The following FAM151A variants were observed in gnomAD, a reference collection of about 807,000 sequenced individuals.
FAM151A encodes protein FAM151A.
In FAM151A, 41 loss-of-function variants were observed where a neutral mutation model predicts 40.4. That is an observed-to-expected ratio of 1.01 (90% CI 0.79 to 1.32). FAM151A has a LOEUF of 1.32. FAM151A is among the 40% of genes most tolerant of loss of function. The pLI, the probability that FAM151A is intolerant of heterozygous loss-of-function variation, is 0.00. For missense variants in FAM151A, 740 were observed against 740.4 expected, an observed-to-expected ratio of 1.00 and a Z score of 0.01; for synonymous variants, 337 against 312.5, an observed-to-expected ratio of 1.08 and a Z score of -0.83.
chr1:54,616,383 A>G (rs1325799520), intron 2 of FAM151A, among the ~76,000 whole-genome samples: 2 of 148,942 alleles, frequency 1.3e-5, no homozygotes, highest in Admixed American at 1.3e-4. Context: ...TTTTTTTTTG[A>G]GACGGAGTCT....
In FAM151A at chr1:54,617,709, A is replaced by ATTTTTTTTTTT. The variant is rs56229276; in HGVS notation, c.263-1548_263-1538dup. On this transcript the variant is annotated intron_variant, in intron 2 of 7. Coordinates refer to ENST00000302250, the MANE Select transcript of FAM151A (RefSeq NM_176782.3). ...CACTAGGTCTGCAGCAGGGCCTGAGATTTTTTTTTTTTTTTTTTTTTTTTT... is the reference window on the plus strand; with the variant it reads ...CACTAGGTCTGCAGCAGGGCCTGAGATTTTTTTTTTTTTTTTTTTTTTTTTTTTTTTTTTTT... Among the ~76,000 whole-genome samples the ATTTTTTTTTTT allele has an allele frequency of 3.0e-4, 17 of 55,764 alleles. 4 individuals are homozygous for ATTTTTTTTTTT. The highest frequency in any genetic ancestry group is 5.1e-4 in the African/African-American group (7 of 13,746). The allele number at this position is 55,764 out of a possible 152,430, so 36.6% of individuals were successfully genotyped here.
chr1:54,612,433 G>A, intron 5 of FAM151A, 53 bp downstream of exon 5: 2 of 1,323,638 alleles, frequency 1.5e-6, no homozygotes, highest in Non-Finnish European at 2.2e-6. Flanking sequence ...CTGGGATCTT[G>A]CTGGGGGCAT....
chr1:54,621,903 T>G (rs1644233035), intron 1 of FAM151A: 1 of 152,130 alleles, frequency 6.6e-6, no homozygotes, highest in African/African-American at 2.4e-5. Context: ...CTTGTGTGAC[T>G]CCCAAGAAGG....
At position 54,616,157 on chromosome 1, in the gene FAM151A, A is replaced by G; in HGVS notation, c.278T>C (p.Leu93Pro). 1 of 1,614,146 alleles carries G rather than the reference A, an allele frequency of 6.2e-7. No individual in the cohort carries two copies. The highest frequency in any genetic ancestry group is 1.1e-5 in the South Asian group (1 of 91,080). The change falls in exon 3 of 8, where the codon CTG becomes CCG. Residue 93 changes from leucine (L) to proline (P), a missense_variant. Leu to Pro is a moderately conservative substitution (Grantham distance 98). Coordinates refer to ENST00000302250, the MANE Select transcript of FAM151A (RefSeq NM_176782.3). ...TAALNSNITV[L>P]EADVNVEGLG... ...CCCTTCTACATTGACGTCAGCCTCC[A>G]GGACTGTGATGTTGCCTGTGGAAGG... is the stretch of plus-strand genomic sequence containing the variant.
intron 5 of FAM151A, 69 bp from the exon 6 acceptor site, chr1:54,611,814 C>T: frequency 6.3e-7 from 1 of 1,588,080 alleles, no homozygotes; most frequent in South Asian, 1.1e-5. Context: ...CTCCTGTGCT[C>T]AGAACTGGAT....
At chr1:54,616,241 A>C in intron 2 of FAM151A, 69 bp from the exon 3 acceptor site, 1 of 1,365,184 alleles carries the variant, frequency 7.3e-7, no homozygotes, top group South Asian at 1.3e-5. Context: ...TCATCATAAA[A>C]GCATTACAAA....
rs770311180 is a variant in FAM151A, at chr1:54,611,769, G to C, written c.801-24C>G. Reference sequence around the variant, plus strand: ...ACCTGGGGACACGAGAGCTGGCTCAGTGCCTGTCTGGGCCCAGCAAGACCC... The same window carrying C: ...ACCTGGGGACACGAGAGCTGGCTCACTGCCTGTCTGGGCCCAGCAAGACCC... On this transcript the variant is annotated intron_variant, in intron 5 of 7. Transcript: ENST00000302250. The C allele has an allele frequency of 1.5e-5, 24 of 1,613,354 alleles. No homozygotes were observed. In the East Asian group the frequency reaches 4.9e-4, roughly 33 times the overall value.
intron 7 of FAM151A, 89 bp from the exon 8 acceptor site, chr1:54,610,030 T>C (rs1644099261): frequency 1.4e-6 from 2 of 1,480,080 alleles, no homozygotes; most frequent in Admixed American, 2.3e-5. Context: ...GTGGGAGTTA[T>C]GGGGTCATCA....
chr1:54,609,379 GGCATAGTC>G lies in FAM151A; in HGVS notation c.1639_1646del (p.Asp547LeufsTer10), dbSNP rs1174932344. 1 of 1,614,178 alleles carries G rather than the reference GGCATAGTC, an allele frequency of 6.2e-7. No individual in the cohort carries two copies. Among genetic ancestry groups the G allele is most frequent in the South Asian group, 1.1e-5 (1 of 91,088 alleles). Reference sequence around the variant, plus strand: ...CTGCCAGCAATGCTGTCCTCACAGAGGCATAGTCGCCCCCAGCTGGGTTGTGCTCCACT... The same window carrying G: ...CTGCCAGCAATGCTGTCCTCACAGAGGCCCCCAGCTGGGTTGTGCTCCACT... On this transcript the variant is annotated frameshift_variant, in exon 8 of 8. Transcript: ENST00000302250. LOFTEE classifies it low-confidence loss of function (END_TRUNC).
Position 54,610,320 on chromosome 1 carries a change from G to A in FAM151A, c.1084+92C>T, listed in dbSNP as rs3820113. On this transcript the variant is annotated intron_variant, in intron 7 of 7. Transcript: ENST00000302250. ...GGTATGGTGTAAATAAACCTGTGTT[G>A]CCATGGCAACAGAGACCGGCGGTAC... 0.046 allele frequency: 71,337 copies of A among 1,549,426 alleles called. 4,418 individuals are homozygous for A. The highest frequency in any genetic ancestry group is 0.24 in the East Asian group (10,790 of 44,360).
chr1:54,614,943 T>TGTGTGG, intron 3 of FAM151A, 84 bp from the exon 4 acceptor site: 1 of 525,104 alleles, frequency 1.9e-6, no homozygotes. Context: ...AGAGCGGGTG[T>TGTGTGG]GTGTGTGTGT....
Position 54,612,714 on chromosome 1 carries a change from C to A in FAM151A, c.576-4G>T, listed in dbSNP as rs1557670192. Reference sequence around the variant, plus strand: ...CTCCTGGACCAGGGCCAGGAACCTGCAAAAAAATCAGAGATGTTGGTCTCA... The same window carrying A: ...CTCCTGGACCAGGGCCAGGAACCTGAAAAAAAATCAGAGATGTTGGTCTCA... On this transcript the variant is annotated splice_region_variant and splice_polypyrimidine_tract_variant and intron_variant, in intron 4 of 7. Transcript: ENST00000302250. The A allele has an allele frequency of 2.5e-6, 4 of 1,609,566 alleles. No homozygotes were observed. Among genetic ancestry groups the A allele is most frequent in the Non-Finnish European group, 3.4e-6 (4 of 1,177,716 alleles).
chr1:54,611,094 T>C (rs1002250656), intron 6 of FAM151A: 2 of 869,124 alleles, frequency 2.3e-6, no homozygotes, highest in Non-Finnish European at 2.8e-6. Flanking sequence ...TGAACTGTTT[T>C]GAGCCGCTGT....
chr1:54,609,744 G>A lies in FAM151A; in HGVS notation c.1282C>T (p.Leu428=), dbSNP rs753969276. Residue 428 remains leucine, a synonymous_variant, in exon 8 of 8, where the codon CTG becomes TTG. Coordinates refer to ENST00000302250, the MANE Select transcript of FAM151A (RefSeq NM_176782.3). ...AGGCCAAGGCTGGAGAGGCGTGCCA[G>A]CAAGGCCAGGGATGGCCGGAGGGCT... ...PAALRPSLAL[L]ARLSSLGLLH... 1.9e-6 allele frequency: 3 copies of A among 1,614,188 alleles called. No individual in the cohort carries two copies. The highest frequency in any genetic ancestry group is 2.2e-5 in the South Asian group (2 of 91,090).
rs926276661 is a variant in FAM151A at position 54,616,035 on chromosome 1, C to T, written c.400G>A (p.Gly134Ser). Residue 134 changes from glycine to serine, a missense_variant, in exon 3 of 8, where the codon GGC becomes AGC. Physicochemically the swap from Gly to Ser is moderately conservative, Grantham distance 56. Coordinates refer to ENST00000302250, the MANE Select transcript of FAM151A (RefSeq NM_176782.3). ...TLEQWLDAVL[G>S]SSQKGIKLDF... ...AGGCCCTTACCCTTTTGGGAAGAGC[C>T]CAGCACAGCGTCCAGCCACTGCTCC... The T allele has an allele frequency of 6.2e-7, 1 of 1,613,870 alleles. No homozygotes were observed. The highest frequency in any genetic ancestry group is 8.5e-7 in the Non-Finnish European group (1 of 1,180,002).
chr1:54,609,356 G>A lies in FAM151A; in HGVS notation c.1670C>T (p.Ala557Val), dbSNP rs773283147. 2 of 1,614,170 alleles carry A rather than the reference G, an allele frequency of 1.2e-6. No individual in the cohort carries two copies. The highest frequency in any genetic ancestry group is 1.6e-4 in the Middle Eastern group (1 of 6,062). Residue 557 changes from alanine to valine, a missense_variant, in exon 8 of 8, where the codon GCA (alanine) becomes GTA (valine). Physicochemically the swap from Ala to Val is moderately conservative, Grantham distance 64. Coordinates refer to ENST00000302250, the MANE Select transcript of FAM151A (RefSeq NM_176782.3). The stretch of plus-strand genomic sequence containing the variant: ...TCGGGTCCTGTCCACAGCCCTAGCT[G>A]CCAGCAATGCTGTCCTCACAGAGGC... ...DYASVRTALL[A>V]ARAVDRTRVY...
intron 7 of FAM151A, 77 bp from the exon 8 acceptor site, chr1:54,610,018 C>A (rs1033183959): frequency 6.7e-7 from 1 of 1,503,452 alleles, no homozygotes; most frequent in African/African-American, 1.4e-5. Flanking sequence ...GTTAAAGGGG[C>A]AGTGGGAGTT....
intron 5 of FAM151A, 89 bp from the exon 6 acceptor site, chr1:54,611,834 G>A (rs888196297): frequency 1.4e-4 from 214 of 1,517,734 alleles, no homozygotes; most frequent in Middle Eastern, 9.9e-4. Context: ...TGTCAGCTGG[G>A]CGCAGGGTAG....
In FAM151A at chr1:54,623,504, TCCA is replaced by T; in HGVS notation, c.-112_-110del. On this transcript the variant is annotated 5_prime_UTR_variant, in exon 1 of 8. Transcript: ENST00000302250. ...AGGAGCTCCCAGCAGCACCTAATTC[TCCA>T]CCGGGCCTGGTCTGCTCTGCAGCCC... 2.5e-6 allele frequency: 2 copies of T among 796,354 alleles called. No individual in the cohort carries two copies. The highest frequency in any genetic ancestry group is 4.3e-6 in the Non-Finnish European group (2 of 464,956). The allele number at this position is 796,354 out of a possible 1,614,324, so 49.3% of individuals were successfully genotyped here.
Sources: gnomAD v4.1 joint callset for allele counts (sites outside exome capture counted in the v4.1 genomes callset) on GRCh38, gnomAD v4.1.1 for gene constraint, MANE v1.5 for transcripts, NCBI Gene and HGNC (gene_info 2026-07-23, HGNC 2026-07-21) for gene names.